Variants in GMPS observed in about 807,000 individuals in gnomAD.
GMPS encodes guanosine monophosphate synthase, also known as GMP synthase [glutamine-hydrolyzing].
GMPS carries 15 observed loss-of-function variants against 77.9 expected under a neutral mutation model. The ratio of observed to expected loss-of-function variants is 0.19; its 90% CI spans 0.13 to 0.30. The LOEUF is 0.30. Among genes scored for constraint, GMPS ranks in the 10% least tolerant of loss-of-function variants. The pLI, the probability that GMPS is intolerant of heterozygous loss-of-function variation, is 1.00. For missense variants in GMPS, 590 were observed against 838.8 expected (o/e 0.70, Z 3.66); for synonymous variants, 224 against 275.9 (o/e 0.81, Z 1.86).
chr3:155,934,502 A>G (rs1755710533), intron 13 of GMPS, among the ~76,000 whole-genome samples: 1 of 152,196 alleles, frequency 6.6e-6, no homozygotes, highest in Non-Finnish European at 1.5e-5. Flanking sequence ...GATACCAGTC[A>G]TTGGATTAGA....
intron 5 of GMPS, 49 bp from the exon 6 acceptor site, chr3:155,910,643 T>G: frequency 1.1e-6 from 1 of 885,790 alleles, no homozygotes; most frequent in Non-Finnish European, 1.7e-6. Flanking sequence ...ATTGCTTGAG[T>G]CTTTTCAGCA....
intron 3 of GMPS, among the ~76,000 whole-genome samples, chr3:155,899,166 G>A (rs1349554428): frequency 1.3e-5 from 2 of 152,060 alleles, no homozygotes; most frequent in Non-Finnish European, 2.9e-5. Flanking sequence ...TCGGGAGTTC[G>A]AGACCAGCCT....
intron 1 of GMPS, among the ~76,000 whole-genome samples, chr3:155,871,235 G>A (rs1370448951): frequency 1.3e-5 from 2 of 151,986 alleles, no homozygotes; most frequent in Non-Finnish European, 2.9e-5. Context: ...AGGGCGGCGA[G>A]CGGGCTTGTG....
intron 1 of GMPS, among the ~76,000 whole-genome samples, chr3:155,886,600 A>T (rs1021584671): frequency 4.7e-5 from 6 of 127,070 alleles, no homozygotes; most frequent in Non-Finnish European, 6.6e-5. Flanking sequence ...TAGCATGTCT[A>T]TTCCTGATGA....
chr3:155,886,728 G>C (rs1169361517), intron 1 of GMPS, among the ~76,000 whole-genome samples: 1 of 145,888 alleles, frequency 6.9e-6, no homozygotes, highest in East Asian at 2.1e-4. Context: ...GGTTGGTCTC[G>C]ATCTCCTGAC....
rs145216019 is a variant in GMPS at position 155,888,178 on chromosome 3, T to C, written c.28-5340T>C. Among the ~76,000 whole-genome samples the C allele has an allele frequency of 2.0e-5, 3 of 151,328 alleles. No individual in the cohort carries two copies. The East Asian group carries it at 5.9e-4, about 30-fold the overall frequency. Reference sequence around the variant, plus strand: ...CCCCCCTCCTTAGCCTAAAAAATTATGTGTGCTTTTAATCTAAAATACCCA... The same window carrying C: ...CCCCCCTCCTTAGCCTAAAAAATTACGTGTGCTTTTAATCTAAAATACCCA... On this transcript the variant is annotated intron_variant, in intron 1 of 15. Coordinates refer to ENST00000496455, the MANE Select transcript of GMPS (RefSeq NM_003875.3).
In GMPS at chr3:155,940,618, C is replaced by A. The variant is rs1477097654; in HGVS notation, c.*2926C>A. 1 of 217,714 alleles carries A rather than the reference C, an allele frequency of 4.6e-6. No homozygotes were observed. Among genetic ancestry groups the A allele is most frequent in the East Asian group, 6.8e-5 (1 of 14,670 alleles). The allele number at this position is 217,714 out of a possible 1,614,324, so 13.5% of individuals were successfully genotyped here. A position where few individuals can be genotyped will look rare whatever the true frequency, so the allele number is the denominator to read the frequency against. ...CAATGTGAACTTGGTCAAGTCATTTCTGTTCTTTATCTGTGACATGAGGTA... is the reference window on the plus strand; with the variant it reads ...CAATGTGAACTTGGTCAAGTCATTTATGTTCTTTATCTGTGACATGAGGTA... On this transcript the variant is annotated 3_prime_UTR_variant, in exon 16 of 16. Transcript: ENST00000496455.
chr3:155,904,312 C>T (rs1236116368), intron 4 of GMPS, among the ~76,000 whole-genome samples: 5 of 149,310 alleles, frequency 3.3e-5, no homozygotes, highest in Non-Finnish European at 5.9e-5. Context: ...TTTTTCGAGA[C>T]GGAGTCTCCC....
At position 155,942,889 on chromosome 3, in the gene GMPS, G is replaced by A. The variant is rs946197481; in HGVS notation, c.*5197G>A. 8.0e-5 allele frequency: 16 copies of A among 201,098 alleles called. No individual in the cohort carries two copies. Among genetic ancestry groups the A allele is most frequent in the Non-Finnish European group, 1.5e-4 (15 of 97,790 alleles). The allele number at this position is 201,098 out of a possible 1,614,324, so 12.5% of individuals were successfully genotyped here. On this transcript the variant is annotated 3_prime_UTR_variant, in exon 16 of 16. Coordinates refer to ENST00000496455, the MANE Select transcript of GMPS (RefSeq NM_003875.3). ...TAGAGATTACCTAGCTGCAACCTAAGTTTCCTGAATTAGAATCATTTGAGC... is the reference window on the plus strand; with the variant it reads ...TAGAGATTACCTAGCTGCAACCTAAATTTCCTGAATTAGAATCATTTGAGC...
At chr3:155,921,558 A>G (rs535730055) in intron 10 of GMPS, among the ~76,000 whole-genome samples, 2 of 152,286 alleles carry the variant, frequency 1.3e-5, no homozygotes, top group African/African-American at 2.4e-5. Context: ...TCATGCCTGT[A>G]ATTTCAGCAT....
chr3:155,882,010 G>A (rs937157373), intron 1 of GMPS, among the ~76,000 whole-genome samples: 9 of 152,122 alleles, frequency 5.9e-5, no homozygotes, highest in African/African-American at 1.9e-4. Context: ...AGAGGTTGCA[G>A]TGAGCTGAGG....
intron 1 of GMPS, among the ~76,000 whole-genome samples, chr3:155,888,731 A>G (rs1384673364): frequency 6.6e-6 from 1 of 152,028 alleles, no homozygotes; most frequent in African/African-American, 2.4e-5. Flanking sequence ...GATCACAGGC[A>G]TGCACCACCA....
Position 155,941,595 on chromosome 3 carries a change from A to T in GMPS, c.*3903A>T. 1 of 221,312 alleles carries T rather than the reference A, an allele frequency of 4.5e-6. No homozygotes were observed. The highest frequency in any genetic ancestry group is 9.0e-6 in the Non-Finnish European group (1 of 110,538). The allele number at this position is 221,312 out of a possible 1,614,324, so 13.7% of individuals were successfully genotyped here. On this transcript the variant is annotated 3_prime_UTR_variant, in exon 16 of 16. Coordinates refer to ENST00000496455, the MANE Select transcript of GMPS (RefSeq NM_003875.3). ...CTACTCCCCTCCAGAAATCTCATTG[A>T]TATGTGGCGAGGACACGCCTTAGCT...
In GMPS at chr3:155,941,593, T is replaced by C. The variant is rs950807909; in HGVS notation, c.*3901T>C. On this transcript the variant is annotated 3_prime_UTR_variant, in exon 16 of 16. Transcript: ENST00000496455. ...CACTACTCCCCTCCAGAAATCTCAT[T>C]GATATGTGGCGAGGACACGCCTTAG... 1 of 221,272 alleles carries C rather than the reference T, an allele frequency of 4.5e-6. No individual in the cohort carries two copies. Among genetic ancestry groups the C allele is most frequent in the Non-Finnish European group, 9.1e-6 (1 of 110,486 alleles). 13.7% of individuals were successfully genotyped at this position (221,272 alleles called of 1,614,324 possible).
intron 3 of GMPS, among the ~76,000 whole-genome samples, chr3:155,902,100 G>C (rs1476024537): frequency 6.6e-6 from 1 of 152,158 alleles, no homozygotes; most frequent in African/African-American, 2.4e-5. Context: ...CTTTGAGGCA[G>C]TTAGAACCTT....
At chr3:155,910,107 G>A (rs959092848) in intron 5 of GMPS, among the ~76,000 whole-genome samples, 7 of 152,174 alleles carry the variant, frequency 4.6e-5, no homozygotes, top group Admixed American at 2.0e-4. Context: ...TAAGCCGAGC[G>A]TGGTGGCACA....
At chr3:155,871,021 G>A (rs547772766) in intron 1 of GMPS, 124 bp downstream of exon 1, 1 of 860,244 alleles carries the variant, frequency 1.2e-6, no homozygotes, top group Non-Finnish European at 1.6e-6. Context: ...CCTGCGCCCC[G>A]GGCAGCCACG....
At position 155,942,951 on chromosome 3, in the gene GMPS, C is replaced by T. The variant is rs1289599732; in HGVS notation, c.*5259C>T. On this transcript the variant is annotated 3_prime_UTR_variant, in exon 16 of 16. Transcript: ENST00000496455. ...AATTGGCTCATTAACATATTTGTGA[C>T]CAGGCACAGTGGCGCATGCCTGTAA... The T allele has an allele frequency of 5.3e-6, 1 of 188,532 alleles. No individual in the cohort carries two copies. The highest frequency in any genetic ancestry group is 1.1e-5 in the Non-Finnish European group (1 of 89,644). 11.7% of individuals were successfully genotyped at this position (188,532 alleles called of 1,614,324 possible). A position where few individuals can be genotyped will look rare whatever the true frequency, so the allele number is the denominator to read the frequency against.
intron 9 of GMPS, among the ~76,000 whole-genome samples, chr3:155,916,683 G>A (rs1474219043): frequency 6.6e-6 from 1 of 152,000 alleles, no homozygotes; most frequent in Admixed American, 6.6e-5. Context: ...TGGGCTTTTG[G>A]GTTATTTCCA....
Sources: allele counts gnomAD v4.1 joint callset (sites outside exome capture counted in the v4.1 genomes callset), GRCh38; gene constraint gnomAD v4.1.1; transcripts MANE v1.5; gene names NCBI Gene and HGNC (gene_info 2026-07-23, HGNC 2026-07-21).